KCNMB2: variants seen among roughly 807,000 people sequenced by gnomAD.
KCNMB2 encodes potassium calcium-activated channel subfamily M regulatory beta subunit 2, also known as calcium-activated potassium channel subunit beta-2.
KCNMB2 carries 9 observed loss-of-function variants against 24.5 expected under a neutral mutation model. That is an observed-to-expected ratio of 0.37 (90% CI 0.22 to 0.64). The LOEUF is 0.64. KCNMB2 is among the 30% of genes least tolerant of loss of function. The pLI, the probability that KCNMB2 is intolerant of heterozygous loss-of-function variation, is 0.63. For synonymous variants in KCNMB2, 109 were observed against 104.4 expected (o/e 1.04, Z -0.27); for missense variants, 226 against 284.3 (o/e 0.79, Z 1.47).
chr3:178,831,167 CT>C (rs1407812929), intron 4 of KCNMB2, among the ~76,000 whole-genome samples: 1 of 152,152 alleles, frequency 6.6e-6, no homozygotes, highest in East Asian at 1.9e-4. Context: ...AGAGATCACA[CT>C]TTTCCTCATT....
intron 1 of KCNMB2, among the ~76,000 whole-genome samples, chr3:178,654,373 AAAT>A (rs1720244338): frequency 6.6e-6 from 1 of 152,184 alleles, no homozygotes; most frequent in African/African-American, 2.4e-5. Context: ...GACATAGATA[AAAT>A]AATATTTACA....
intron 1 of KCNMB2, among the ~76,000 whole-genome samples, chr3:178,552,380 A>AC (rs10713632): frequency 5.9e-4 from 85 of 144,682 alleles, no homozygotes; most frequent in South Asian, 2.5e-3. Flanking sequence ...TTTGAATTAA[A>AC]CCCCCCCCCA....
chr3:178,600,798 C>A (rs1018234096), intron 1 of KCNMB2, among the ~76,000 whole-genome samples: 1 of 152,040 alleles, frequency 6.6e-6, no homozygotes, highest in African/African-American at 2.4e-5. Flanking sequence ...GATTTATAAC[C>A]CTTTGGGTAT....
intron 1 of KCNMB2, among the ~76,000 whole-genome samples, chr3:178,629,016 A>G (rs946345572): frequency 1.3e-5 from 2 of 152,090 alleles, no homozygotes; most frequent in African/African-American, 2.4e-5. Flanking sequence ...AAATTTAACT[A>G]CTCAATTTAA....
At chr3:178,569,607 CT>C (rs1457320274) in intron 1 of KCNMB2, among the ~76,000 whole-genome samples, 1 of 152,006 alleles carries the variant, frequency 6.6e-6, no homozygotes, top group Non-Finnish European at 1.5e-5. Flanking sequence ...TTTAAACATT[CT>C]GAGTAGAAAA....
intron 1 of KCNMB2, among the ~76,000 whole-genome samples, chr3:178,680,304 G>A (rs376256421): frequency 6.6e-6 from 1 of 152,102 alleles, no homozygotes; most frequent in African/African-American, 2.4e-5. Flanking sequence ...GAGGCCCAGA[G>A]GTCTCTTCAG....
chr3:178,621,451 G>T (rs1044443910), intron 1 of KCNMB2, among the ~76,000 whole-genome samples: 5 of 150,668 alleles, frequency 3.3e-5, no homozygotes, highest in Non-Finnish European at 7.4e-5. Flanking sequence ...TTATTTCTTT[G>T]GGTTTCTGCT....
chr3:178,737,378 G>T (rs942099686), intron 1 of KCNMB2, among the ~76,000 whole-genome samples: 1 of 152,018 alleles, frequency 6.6e-6, no homozygotes, highest in Non-Finnish European at 1.5e-5. Flanking sequence ...AAACAGGGTT[G>T]TTTGTTTGTT....
chr3:178,617,508 G>A (rs1025173127), intron 1 of KCNMB2, among the ~76,000 whole-genome samples: 3 of 150,308 alleles, frequency 2.0e-5, no homozygotes, highest in Non-Finnish European at 4.4e-5. Context: ...CAGATTGGGC[G>A]GCAGAGAAGA....
At chr3:178,812,629 A>G (rs539311629) in intron 2 of KCNMB2, among the ~76,000 whole-genome samples, 12 of 152,248 alleles carry the variant, frequency 7.9e-5, no homozygotes, top group African/African-American at 2.9e-4. Flanking sequence ...GTATTTAATC[A>G]TCTGGAACTG....
intron 1 of KCNMB2, among the ~76,000 whole-genome samples, chr3:178,568,478 C>T (rs946809863): frequency 6.6e-6 from 1 of 152,182 alleles, no homozygotes; most frequent in African/African-American, 2.4e-5. Context: ...CCAGTGATAT[C>T]TTGAACACTC....
At chr3:178,819,085 A>G (rs542016401) in intron 2 of KCNMB2, among the ~76,000 whole-genome samples, 1 of 152,292 alleles carries the variant, frequency 6.6e-6, no homozygotes, top group African/African-American at 2.4e-5. Flanking sequence ...AATTTAATCC[A>G]TAACATGTCT....
At chr3:178,564,476 A>G (rs1288385735) in intron 1 of KCNMB2, among the ~76,000 whole-genome samples, 1 of 152,198 alleles carries the variant, frequency 6.6e-6, no homozygotes, top group Admixed American at 6.5e-5. Context: ...AATCAGACCT[A>G]TCTAACAATT....
At chr3:178,648,695 T>C (rs1720005322) in intron 1 of KCNMB2, among the ~76,000 whole-genome samples, 2 of 152,248 alleles carry the variant, frequency 1.3e-5, no homozygotes, top group Non-Finnish European at 2.9e-5. Flanking sequence ...TTAGCCTAGC[T>C]GGACATTCAA....
chr3:178,799,694 A>G (rs986247656), intron 1 of KCNMB2, among the ~76,000 whole-genome samples: 44 of 152,314 alleles, frequency 2.9e-4, no homozygotes, highest in Middle Eastern at 3.4e-3. Flanking sequence ...TTTATATGGA[A>G]ACACAAAAGA....
chr3:178,698,550 G>A (rs985210340), intron 1 of KCNMB2, among the ~76,000 whole-genome samples: 3 of 152,056 alleles, frequency 2.0e-5, no homozygotes, highest in African/African-American at 7.2e-5. Context: ...CATTGCATTG[G>A]GTTTCAACAT....
intron 1 of KCNMB2, among the ~76,000 whole-genome samples, chr3:178,562,946 G>A (rs765022145): frequency 1.3e-5 from 2 of 152,174 alleles, no homozygotes; most frequent in African/African-American, 2.4e-5. Context: ...ACTTTTGGAT[G>A]TAAAAACAAA....
At chr3:178,602,312 T>A (rs1482697573) in intron 1 of KCNMB2, among the ~76,000 whole-genome samples, 2 of 150,780 alleles carry the variant, frequency 1.3e-5, no homozygotes, top group African/African-American at 5.0e-5. Context: ...CACAAAAAAA[T>A]ATATATATCG....
chr3:178,757,936 C>T (rs1168913226), intron 1 of KCNMB2, among the ~76,000 whole-genome samples: 5,184 of 57,388 alleles, frequency 0.09, 1,297 homozygotes, highest in African/African-American at 0.25. Flanking sequence ...TATATATATA[C>T]ACAAGGGGAT....
Sources: gnomAD v4.1 joint callset for allele counts (sites outside exome capture counted in the v4.1 genomes callset) on GRCh38, gnomAD v4.1.1 for gene constraint, MANE v1.5 for transcripts, NCBI Gene and HGNC (gene_info 2026-07-23, HGNC 2026-07-21) for gene names.